Variants in NEDD4L observed in about 807,000 individuals in gnomAD.
NEDD4L encodes NEDD4 like E3 ubiquitin protein ligase, also known as E3 ubiquitin-protein ligase NEDD4-like.
Under a neutral mutation model 148.9 loss-of-function variants are expected in NEDD4L, and 54 were observed. The ratio of observed to expected loss-of-function variants is 0.36; its 90% confidence interval spans 0.29 to 0.45. The LOEUF (loss-of-function observed/expected upper bound fraction) is 0.45. Among genes scored for constraint, NEDD4L ranks in the 20% least tolerant of loss-of-function variants. The pLI is 1.00. For synonymous variants in NEDD4L, 433 were observed against 440.7 expected (o/e 0.98, Z 0.22); for missense variants, 856 against 1,233.8 (o/e 0.69, Z 4.59).
chr18:58,173,302 A>C (rs189306663), intron 2 of NEDD4L, among the ~76,000 whole-genome samples: 25 of 152,324 alleles, frequency 1.6e-4, no homozygotes, highest in African/African-American at 5.5e-4. Flanking sequence ...AAAACTTAGC[A>C]ATGTTGGCTG....
intron 1 of NEDD4L, among the ~76,000 whole-genome samples, chr18:58,132,745 C>T (rs1030439654): frequency 6.6e-6 from 1 of 152,118 alleles, no homozygotes; most frequent in African/African-American, 2.4e-5. Flanking sequence ...CTGAGCATTC[C>T]GTGTTATTCT....
At chr18:58,085,262 A>AG (rs1299908640) in intron 1 of NEDD4L, among the ~76,000 whole-genome samples, 2 of 152,086 alleles carry the variant, frequency 1.3e-5, no homozygotes, top group Non-Finnish European at 2.9e-5. Flanking sequence ...GCATCGGTAA[A>AG]GATGCGCGGA....
chr18:58,255,881 A>G (rs2048461238), intron 5 of NEDD4L: 1 of 1,232,160 alleles, frequency 8.1e-7, no homozygotes, highest in Non-Finnish European at 1.0e-6. Flanking sequence ...CTTGACCAGC[A>G]TCGACGCCCG....
intron 1 of NEDD4L, among the ~76,000 whole-genome samples, chr18:58,061,572 A>G (rs2144698924): frequency 6.6e-6 from 1 of 151,384 alleles, no homozygotes; most frequent in East Asian, 2.0e-4. Flanking sequence ...CATAGGATCG[A>G]TTTTTTTCAA....
intron 16 of NEDD4L, among the ~76,000 whole-genome samples, chr18:58,344,134 A>G (rs1352682475): frequency 6.6e-6 from 1 of 152,240 alleles, no homozygotes; most frequent in African/African-American, 2.4e-5. Flanking sequence ...AACATACACC[A>G]TTAATTCCCA....
chr18:58,342,419 C>G (rs1169557903), intron 15 of NEDD4L, among the ~76,000 whole-genome samples: 8 of 152,178 alleles, frequency 5.3e-5, no homozygotes, highest in Admixed American at 2.6e-4. Flanking sequence ...TCTCCACGCC[C>G]TGGGTCCAGA....
At chr18:58,346,355 A>G (rs938928733) in intron 16 of NEDD4L, among the ~76,000 whole-genome samples, 2 of 152,264 alleles carry the variant, frequency 1.3e-5, no homozygotes, top group Admixed American at 1.3e-4. Context: ...AGTGGTAAGT[A>G]TAACTGCAAA....
chr18:58,387,686 T>C (rs896034588), intron 27 of NEDD4L, 188 bp downstream of exon 27: 1 of 633,162 alleles, frequency 1.6e-6, no homozygotes, highest in African/African-American at 1.9e-5. Context: ...TTATGGGGCT[T>C]GTTTGCCAAT....
At chr18:58,094,247 C>G (rs563661242) in intron 1 of NEDD4L, among the ~76,000 whole-genome samples, 1 of 150,936 alleles carries the variant, frequency 6.6e-6, no homozygotes, top group Non-Finnish European at 1.5e-5. Context: ...TGTGGTGGCG[C>G]GATCATAGCT....
At chr18:58,353,105 T>A (rs2044130087) in intron 18 of NEDD4L, among the ~76,000 whole-genome samples, 1 of 152,204 alleles carries the variant, frequency 6.6e-6, no homozygotes, top group Non-Finnish European at 1.5e-5. Flanking sequence ...GTGAACTCAC[T>A]TGAGGAGCAG....
At chr18:58,385,505 T>C in intron 25 of NEDD4L, 21 bp from the exon 26 acceptor site, 1 of 1,605,158 alleles carries the variant, frequency 6.2e-7, no homozygotes, top group Non-Finnish European at 8.5e-7. Flanking sequence ...TGGTTCAATA[T>C]TGTCCTCTTT....
intron 18 of NEDD4L, 27 bp from the exon 19 acceptor site, chr18:58,357,164 ATTT>A (rs201044327): frequency 0.036 from 51,173 of 1,403,268 alleles, 30 homozygotes; most frequent in Middle Eastern, 0.077. Flanking sequence ...TAATGTTCTG[ATTT>A]TTTTTTTTTT....
intron 19 of NEDD4L, among the ~76,000 whole-genome samples, chr18:58,361,018 A>G (rs985987030): frequency 6.6e-6 from 1 of 152,048 alleles, no homozygotes; most frequent in East Asian, 1.9e-4. Context: ...CTTCCTTGCA[A>G]CTTCCCTGGT....
chr18:58,276,242 G>A lies in NEDD4L; in HGVS notation c.297+24188G>A, dbSNP rs1344068612. 2.6e-4 allele frequency among the ~76,000 whole-genome samples: 35 copies of A among 135,680 alleles called. 1 individual carries two copies. The highest frequency in any genetic ancestry group is 4.3e-4 in the Non-Finnish European group (27 of 63,482). The allele number at this position is 135,680 out of a possible 152,430, so 89.0% of individuals were successfully genotyped here. ...GGGGAGGGGGGTGGTTTTCTGAGACGGAGTCTCACTCTGTTGCCCAGGCTG... is the reference window on the plus strand; with the variant it reads ...GGGGAGGGGGGTGGTTTTCTGAGACAGAGTCTCACTCTGTTGCCCAGGCTG... On this transcript the variant is annotated intron_variant, in intron 5 of 30. Transcript: ENST00000400345.
chr18:58,047,528 G>A (rs913238242), intron 1 of NEDD4L: 49 of 984,966 alleles, frequency 5.0e-5, no homozygotes, highest in Non-Finnish European at 5.7e-5. Context: ...GTTGAGATGT[G>A]GGCTTTGCTT....
intron 19 of NEDD4L, among the ~76,000 whole-genome samples, chr18:58,362,750 C>T (rs994089370): frequency 3.9e-5 from 6 of 152,188 alleles, no homozygotes; most frequent in African/African-American, 4.8e-5. Flanking sequence ...GTTGAATGGA[C>T]GAGAATGAAC....
At chr18:58,095,499 A>T (rs114224986) in intron 1 of NEDD4L, among the ~76,000 whole-genome samples, 14,547 of 152,176 alleles carry the variant, frequency 0.096, 825 homozygotes, top group Admixed American at 0.15. Context: ...GGACAGGAAG[A>T]TGGGACTGGA....
intron 1 of NEDD4L, among the ~76,000 whole-genome samples, chr18:58,118,242 C>T (rs1353847859): frequency 1.3e-5 from 2 of 152,254 alleles, no homozygotes; most frequent in African/African-American, 4.8e-5. Flanking sequence ...CATGCTCTTA[C>T]GTATCCTGCC....
At chr18:58,209,722 AAT>A (rs1213879843) in intron 2 of NEDD4L, among the ~76,000 whole-genome samples, 3 of 146,606 alleles carry the variant, frequency 2.0e-5, no homozygotes, top group East Asian at 4.1e-4. Context: ...TAAACAAAAA[AAT>A]ATAAAAACTA....
Sources: allele counts gnomAD v4.1 joint callset (sites outside exome capture counted in the v4.1 genomes callset), GRCh38; gene constraint gnomAD v4.1.1; transcripts MANE v1.5; gene names NCBI Gene and HGNC (gene_info 2026-07-23, HGNC 2026-07-21).